Variants in ROCK1 observed in about 807,000 individuals in gnomAD.
ROCK1 encodes the protein rho-associated protein kinase 1.
Under a neutral mutation model 196.8 loss-of-function variants are expected in ROCK1, and 36 were observed. The observed-to-expected ratio is 0.18, with a 90% confidence interval of 0.14 to 0.24. ROCK1 has a LOEUF of 0.24. ROCK1 is among the 10% of genes least tolerant of loss of function. The pLI is 1.00. For synonymous variants in ROCK1, 443 were observed against 515.9 expected (o/e 0.86, Z 1.91); for missense variants, 920 against 1,562.0 (o/e 0.59, Z 6.93).
At chr18:21,023,109 C>T (rs541368458) in intron 11 of ROCK1, among the ~76,000 whole-genome samples, 4 of 151,976 alleles carry the variant, frequency 2.6e-5, no homozygotes, top group Non-Finnish European at 4.4e-5. Context: ...TGAGGAGTTA[C>T]TGTTTAATTG....
intron 1 of ROCK1, among the ~76,000 whole-genome samples, chr18:21,089,248 C>T (rs1365028050): frequency 4.6e-5 from 7 of 152,002 alleles, no homozygotes; most frequent in African/African-American, 1.4e-4. Context: ...TTAGTAGAGA[C>T]GGGGTTTCAC....
chr18:21,049,013 C>A, intron 4 of ROCK1, 79 bp downstream of exon 4: 1 of 1,312,782 alleles, frequency 7.6e-7, no homozygotes, highest in South Asian at 2.3e-5. Context: ...TACTACTATT[C>A]TAAAACACAA....
At chr18:20,971,341 C>CACACAA (rs35571240) in intron 22 of ROCK1, among the ~76,000 whole-genome samples, 1 of 19,812 alleles carries the variant, frequency 5.0e-5, no homozygotes, top group Non-Finnish European at 1.7e-4. Flanking sequence ...CACACACACA[C>CACACAA]ACATACACAC....
chr18:21,049,433 A>C (rs573416756), intron 3 of ROCK1, among the ~76,000 whole-genome samples: 19 of 152,320 alleles, frequency 1.2e-4, no homozygotes, highest in Non-Finnish European at 5.9e-5. Flanking sequence ...GTTTTAAAAA[A>C]ATTTTTATTT....
chr18:20,980,224 CATCA>C lies in ROCK1; in HGVS notation c.2560-224_2560-221del, dbSNP rs900054232. ...CCAAACTGGAAATGACCCAGACATC[CATCA>C]ATACATGGGTTAAAAAAAAAACAAA... On this transcript the variant is annotated intron_variant, in intron 21 of 32. Coordinates refer to ENST00000399799, the MANE Select transcript of ROCK1 (RefSeq NM_005406.3). Among the ~76,000 whole-genome samples, 34 of 151,524 alleles carry C rather than the reference CATCA, an allele frequency of 2.2e-4. 1 individual carries two copies. The highest frequency in any genetic ancestry group is 2.0e-3 in the Admixed American group (30 of 15,240).
chr18:20,990,127 T>C (rs376262195), intron 18 of ROCK1, among the ~76,000 whole-genome samples: 1 of 151,956 alleles, frequency 6.6e-6, no homozygotes, highest in South Asian at 2.1e-4. Flanking sequence ...ACAACTCAGG[T>C]TGCAGATAAT....
Position 21,049,835 on chromosome 18 carries a change from T to C in ROCK1, c.221A>G (p.Glu74Gly). 1 of 1,608,236 alleles carries C rather than the reference T, an allele frequency of 6.2e-7. No homozygotes were observed. The highest frequency in any genetic ancestry group is 8.5e-7 in the Non-Finnish European group (1 of 1,177,066). ...AATCACCTTCACTACTTCATAATCTTCAGCTTTCATTCGTAAATCTCTGAT... is the reference window on the plus strand; with the variant it reads ...AATCACCTTCACTACTTCATAATCTCCAGCTTTCATTCGTAAATCTCTGAT... ...NKIRDLRMKA[E>G]DYEVVKVIGR... is the part of the protein sequence containing the mutation. The change falls in exon 3 of 33, where the codon GAA (glutamate) becomes GGA (glycine). Residue 74 changes from glutamate (E) to glycine (G), a missense_variant. By Grantham distance (98) the Glu-to-Gly change is moderately conservative. Transcript: ENST00000399799.
intron 16 of ROCK1, among the ~76,000 whole-genome samples, chr18:20,997,848 T>C (rs1362849129): frequency 6.6e-6 from 1 of 152,056 alleles, no homozygotes; most frequent in Admixed American, 6.6e-5. Context: ...TTTTTTTTTT[T>C]TTTTGAGACG....
chr18:20,959,120 A>AT (rs1568367465), intron 29 of ROCK1, among the ~76,000 whole-genome samples: 4 of 53,312 alleles, frequency 7.5e-5, no homozygotes, highest in African/African-American at 5.2e-4. Context: ...TATATTATAT[A>AT]ATATATATAT....
At chr18:21,005,439 T>G (rs536897465) in intron 16 of ROCK1, among the ~76,000 whole-genome samples, 1 of 152,322 alleles carries the variant, frequency 6.6e-6, no homozygotes, top group Admixed American at 6.5e-5. Context: ...AGTAAAACCT[T>G]TATGAATTAG....
intron 19 of ROCK1, among the ~76,000 whole-genome samples, chr18:20,984,933 T>G (rs10853665): frequency 0.09 from 13,638 of 151,994 alleles, 833 homozygotes; most frequent in Non-Finnish European, 0.14. Context: ...GTCAACATGG[T>G]GAAACCCTGT....
At position 20,951,876 on chromosome 18, in the gene ROCK1, G is replaced by A. The variant is rs138785456; in HGVS notation, c.4062-489C>T. ...TTAGGTCTCAGCTTCTAATTCGAGT[G>A]GCCCTATTAATCTAGGGAGTACACT... On this transcript the variant is annotated intron_variant, in intron 32 of 32. Transcript: ENST00000399799. 1.3e-4 allele frequency among the ~76,000 whole-genome samples: 20 copies of A among 152,302 alleles called. No individual in the cohort carries two copies. In the East Asian group the frequency reaches 3.3e-3, roughly 25 times the overall value.
At chr18:21,013,594 C>CA (rs2035837335) in intron 13 of ROCK1, among the ~76,000 whole-genome samples, 2 of 151,758 alleles carry the variant, frequency 1.3e-5, no homozygotes, top group African/African-American at 4.8e-5. Context: ...GTAGATTCCC[C>CA]ACATGGTCAC....
At chr18:21,001,427 G>T (rs796236427) in intron 16 of ROCK1, among the ~76,000 whole-genome samples, 6 of 152,292 alleles carry the variant, frequency 3.9e-5, no homozygotes, top group African/African-American at 1.4e-4. Context: ...TTTGTTACAA[G>T]AATTTCACCT....
rs763450738 is a variant in ROCK1 at position 21,042,753 on chromosome 18, C to T, written c.676-44G>A. On this transcript the variant is annotated intron_variant, in intron 6 of 32. Transcript: ENST00000399799. ...CAAATTTTGAATTAGGATATAAAGT[C>T]TCAATTATTTAAAATGACTTTCTTA... 3.9e-6 allele frequency: 6 copies of T among 1,549,672 alleles called. No homozygotes were observed. The South Asian group carries it at 7.3e-5, about 19-fold the overall frequency.
chr18:20,988,421 TCTA>T (rs1243642797), intron 18 of ROCK1, among the ~76,000 whole-genome samples: 3 of 152,126 alleles, frequency 2.0e-5, no homozygotes, highest in Non-Finnish European at 4.4e-5. Flanking sequence ...TCTTTCCCTC[TCTA>T]CTACTACCAG....
At chr18:21,028,503 C>G (rs1489614310) in intron 10 of ROCK1, among the ~76,000 whole-genome samples, 1 of 152,010 alleles carries the variant, frequency 6.6e-6, no homozygotes, top group Non-Finnish European at 1.5e-5. Context: ...ATCAAAATAT[C>G]AGTATTTATG....
intron 6 of ROCK1, among the ~76,000 whole-genome samples, chr18:21,042,989 C>T (rs573170719): frequency 1.5e-3 from 231 of 152,064 alleles, no homozygotes; most frequent in African/African-American, 4.1e-3. Context: ...TATACACACA[C>T]CAGTGATTAT....
chr18:20,983,249 A>T (rs2035549436), intron 20 of ROCK1, among the ~76,000 whole-genome samples: 1 of 150,454 alleles, frequency 6.6e-6, no homozygotes, highest in African/African-American at 2.5e-5. Flanking sequence ...TACATATCAT[A>T]GTACTATATT....
Sources: allele counts gnomAD v4.1 joint callset (sites outside exome capture counted in the v4.1 genomes callset), GRCh38; gene constraint gnomAD v4.1.1; transcripts MANE v1.5; gene names NCBI Gene and HGNC (gene_info 2026-07-23, HGNC 2026-07-21).